NRF1: variants seen among roughly 807,000 people sequenced by gnomAD.
The protein encoded by NRF1 is nuclear respiratory factor 1.
In NRF1, 5 loss-of-function variants were observed where a neutral mutation model predicts 58.5. The ratio of observed to expected loss-of-function variants is 0.09; its 90% confidence interval spans 0.04 to 0.18. The LOEUF (loss-of-function observed/expected upper bound fraction) is 0.18, where lower values mean the gene tolerates loss of function less well. NRF1 is among the 10% of genes least tolerant of loss of function. NRF1 has a pLI of 1.00. For synonymous variants in NRF1, 224 were observed against 246.7 expected, an observed-to-expected ratio of 0.91 and a Z score of 0.86; for missense variants, 288 against 657.7, an observed-to-expected ratio of 0.44 and a Z score of 6.15.
Position 129,671,408 on chromosome 7 carries a change from G to A in NRF1, c.224-21G>A, listed in dbSNP as rs772813144. 2.0e-6 allele frequency: 3 copies of A among 1,534,506 alleles called. No individual in the cohort carries two copies. The East Asian group carries it at 6.7e-5, about 34-fold the overall frequency. ...GTTTACAGGCAGCTGCCTAATCTCA[G>A]CACATACGTTATTATTTCAGGTCCT... is the stretch of plus-strand genomic sequence containing the variant. On this transcript the variant is annotated intron_variant, in intron 2 of 10. Transcript: ENST00000393232.
In NRF1 at chr7:129,693,507, G is replaced by A. The variant is rs543985077; in HGVS notation, c.606+2961G>A. Among the ~76,000 whole-genome samples the A allele has an allele frequency of 2.8e-4, 43 of 152,024 alleles. 1 individual carries two copies. Among genetic ancestry groups the A allele is most frequent in the Non-Finnish European group, 5.3e-4 (36 of 67,968 alleles). The stretch of plus-strand genomic sequence containing the variant: ...TTTGAATGTGGCCCAACACAAATTC[G>A]TAAACTTTCTTAAAACATTATGAGA... On this transcript the variant is annotated intron_variant, in intron 5 of 10. Transcript: ENST00000393232.
At chr7:129,637,071 T>C (rs78086437) in intron 1 of NRF1, among the ~76,000 whole-genome samples, 4,001 of 152,216 alleles carry the variant, frequency 0.026, 62 homozygotes, top group Middle Eastern at 0.075. Context: ...GTTTCCCAAC[T>C]GTACAGTGAA....
chr7:129,745,686 G>A (rs1803960889), intron 10 of NRF1, among the ~76,000 whole-genome samples: 1 of 152,128 alleles, frequency 6.6e-6, no homozygotes, highest in Non-Finnish European at 1.5e-5. Context: ...CAGTTAGCTT[G>A]TTCATCCCCA....
intron 2 of NRF1, among the ~76,000 whole-genome samples, chr7:129,669,807 A>AC (rs1802006454): frequency 1.3e-5 from 2 of 152,212 alleles, no homozygotes; most frequent in Non-Finnish European, 1.5e-5. Context: ...TAAAAATAGA[A>AC]CTACCATATA....
At chr7:129,732,546 G>A (rs978045285) in intron 10 of NRF1, among the ~76,000 whole-genome samples, 6 of 152,136 alleles carry the variant, frequency 3.9e-5, no homozygotes, top group Admixed American at 1.3e-4. Context: ...AAGAGAGGAT[G>A]TAGCATTTGC....
chr7:129,638,696 T>G (rs1045560788), intron 1 of NRF1, among the ~76,000 whole-genome samples: 8 of 152,196 alleles, frequency 5.3e-5, no homozygotes, highest in African/African-American at 1.9e-4. Flanking sequence ...GGTGATTGGT[T>G]TTTTTAAACA....
intron 1 of NRF1, among the ~76,000 whole-genome samples, chr7:129,644,035 ACTGTAGACT>A (rs1271547418): frequency 6.6e-6 from 1 of 151,958 alleles, no homozygotes; most frequent in Non-Finnish European, 1.5e-5. Context: ...CGAGCTTCTG[ACTGTAGACT>A]CTGTCATTTC....
At chr7:129,649,610 C>G (rs991927870) in intron 1 of NRF1, among the ~76,000 whole-genome samples, 1 of 152,148 alleles carries the variant, frequency 6.6e-6, no homozygotes, top group Non-Finnish European at 1.5e-5. Flanking sequence ...CCAGGGTGCT[C>G]TGGGCCAAGA....
intron 5 of NRF1, among the ~76,000 whole-genome samples, chr7:129,700,102 T>C (rs1802786420): frequency 6.7e-6 from 1 of 149,748 alleles, no homozygotes; most frequent in Admixed American, 6.7e-5. Flanking sequence ...GATGGCACCA[T>C]TGCACTCCAG....
intron 1 of NRF1, among the ~76,000 whole-genome samples, chr7:129,642,065 G>A (rs577740326): frequency 7.9e-5 from 12 of 151,022 alleles, no homozygotes; most frequent in Non-Finnish European, 1.3e-4. Context: ...TGCAACCTCC[G>A]CCTCCCAGGT....
intron 9 of NRF1, 132 bp downstream of exon 9, chr7:129,717,508 A>G: frequency 1.0e-6 from 1 of 985,082 alleles, no homozygotes; most frequent in Non-Finnish European, 1.5e-6. Flanking sequence ...CTTGGCCCAT[A>G]CGATATTGTA....
chr7:129,660,515 C>T (rs770633226), intron 2 of NRF1, among the ~76,000 whole-genome samples: 1 of 150,788 alleles, frequency 6.6e-6, no homozygotes, highest in Non-Finnish European at 1.5e-5. Flanking sequence ...TACAGGCATT[C>T]CAAGTGGGAG....
chr7:129,731,139 GCAA>G (rs1172917067), intron 10 of NRF1, among the ~76,000 whole-genome samples: 1 of 152,038 alleles, frequency 6.6e-6, no homozygotes, highest in African/African-American at 2.4e-5. Context: ...AGGCATGGTG[GCAA>G]CACCTGTAAT....
rs1449689525 is a variant in NRF1 at position 129,755,077 on chromosome 7, A to T, written c.1408A>T (p.Asn470Tyr). The T allele has an allele frequency of 6.2e-7, 1 of 1,613,930 alleles. No homozygotes were observed. Among genetic ancestry groups the T allele is most frequent in the Non-Finnish European group, 8.5e-7 (1 of 1,179,950 alleles). The stretch of plus-strand genomic sequence containing the variant: ...TGTGGTGACCAGCCTCGCCCAGGGC[A>T]ACGGACCAGTGCAGGTGGCCATGGC... The part of the protein sequence containing the change: ...QTVVTSLAQG[N>Y]GPVQVAMAPV... The change falls in exon 11 of 11, where the codon AAC becomes TAC. Residue 470 changes from asparagine (N) to tyrosine (Y), a missense_variant. Around this residue, in one of 3 missense-constraint regions of NRF1, gnomAD observed 212 missense variants for 559.7 expected, o/e 0.38. Coordinates refer to ENST00000393232, the MANE Select transcript of NRF1 (RefSeq NM_005011.5). The surrounding 1 kb of genome is among the most constrained non-coding windows in gnomAD (Gnocchi z 5.8).
intron 10 of NRF1, among the ~76,000 whole-genome samples, chr7:129,748,364 G>T (rs1804032622): frequency 6.6e-6 from 1 of 151,722 alleles, no homozygotes; most frequent in African/African-American, 2.4e-5. Context: ...TTGGGAACAG[G>T]TCAGCACATA....
intron 9 of NRF1, among the ~76,000 whole-genome samples, chr7:129,721,857 C>T (rs1465966914): frequency 6.6e-6 from 1 of 151,988 alleles, no homozygotes; most frequent in African/African-American, 2.4e-5. Context: ...CTTTTATATA[C>T]GGAGTGATAT....
chr7:129,717,735 G>C (rs1803226253), intron 9 of NRF1, among the ~76,000 whole-genome samples: 2 of 152,132 alleles, frequency 1.3e-5, no homozygotes, highest in Admixed American at 6.5e-5. Context: ...CCAACAACCA[G>C]TGTAGCCTTT....
chr7:129,749,366 T>C (rs1313837051), intron 10 of NRF1, among the ~76,000 whole-genome samples: 1 of 152,004 alleles, frequency 6.6e-6, no homozygotes, highest in Admixed American at 6.6e-5. Flanking sequence ...TATTGCCATT[T>C]ATTTGGGAAG....
At chr7:129,656,935 T>C (rs1360746759) in intron 1 of NRF1, among the ~76,000 whole-genome samples, 1 of 152,230 alleles carries the variant, frequency 6.6e-6, no homozygotes, top group Non-Finnish European at 1.5e-5. Context: ...GTTATTTGAC[T>C]CTCACTCGTC....
Sources: gnomAD v4.1 joint callset for allele counts (sites outside exome capture counted in the v4.1 genomes callset) on GRCh38, gnomAD v4.1.1 for gene constraint, gnomAD v4.1.1 regional missense constraint, Gnocchi (gnomAD v3.1) non-coding constraint, MANE v1.5 for transcripts, NCBI Gene and HGNC (gene_info 2026-07-23, HGNC 2026-07-21) for gene names.